Variants in ZNF705G observed in about 807,000 individuals in gnomAD.
ZNF705G encodes zinc finger protein 705G, also known as putative zinc finger protein 705G.
Under a neutral mutation model 19.6 loss-of-function variants are expected in ZNF705G, and 23 were observed. The observed-to-expected ratio is 1.17, with a 90% CI of 0.84 to 1.66. The LOEUF is 1.66. Ranked by LOEUF, ZNF705G falls within the 40% of genes most tolerant of loss-of-function variation. The pLI is 0.00. For synonymous variants in ZNF705G, 146 were observed against 117.7 expected, an observed-to-expected ratio of 1.24 and a Z score of -1.56; for missense variants, 457 against 354.4, an observed-to-expected ratio of 1.29 and a Z score of -2.32.
At position 7,359,655 on chromosome 8, in the gene ZNF705G, A is replaced by G. The variant is rs1241777303; in HGVS notation, c.282T>C (p.Pro94=). 1.9e-6 allele frequency: 3 copies of G among 1,606,772 alleles called. No individual in the cohort carries two copies. Among genetic ancestry groups the G allele is most frequent in the Non-Finnish European group, 1.7e-6 (2 of 1,179,314 alleles). ...TGGTGGATGCGTCTTTTCTGGTGAT[A>G]GGATGCATGGATATCATGTGTGTTT... is the stretch of plus-strand genomic sequence containing the variant. ...LKKTHMISMH[P]ITRKDASTSM... Residue 94 remains proline, a synonymous_variant, in exon 6 of 7, where the codon CCT becomes CCC. Coordinates refer to ENST00000400156, the MANE Select transcript of ZNF705G (RefSeq NM_001164457.3).
rs1165225946 is a variant in ZNF705G, at chr8:7,383,358, T to TTA, written c.-221-1759_-221-1758dup. ...CTTTCCCCTCCACATCTGTGTTGCT[T>TTA]TATATTGTTTCTACATCTCTCTTCT... On this transcript the variant is annotated intron_variant, in intron 1 of 6. Coordinates refer to ENST00000400156, the MANE Select transcript of ZNF705G (RefSeq NM_001164457.3). 2.0e-5 allele frequency among the ~76,000 whole-genome samples: 3 copies of TTA among 146,646 alleles called. No individual in the cohort carries two copies. In the East Asian group the frequency reaches 5.8e-4, roughly 28 times the overall value.
intron 2 of ZNF705G, among the ~76,000 whole-genome samples, chr8:7,364,839 T>A (rs1211260764): frequency 6.7e-6 from 1 of 149,602 alleles, no homozygotes; most frequent in Non-Finnish European, 1.5e-5. Flanking sequence ...ACAGTACATG[T>A]ATTATGTAGT....
intron 2 of ZNF705G, among the ~76,000 whole-genome samples, chr8:7,380,748 C>A (rs1807452799): frequency 6.8e-6 from 1 of 146,828 alleles, no homozygotes; most frequent in Middle Eastern, 3.4e-3. Context: ...GAGAAAGCCA[C>A]CTGACTCACG....
In ZNF705G at chr8:7,365,777, G is replaced by A. The variant is rs190115462; in HGVS notation, c.-71-2760C>T. On this transcript the variant is annotated intron_variant, in intron 2 of 6. Coordinates refer to ENST00000400156, the MANE Select transcript of ZNF705G (RefSeq NM_001164457.3). ...TAAGAGGCCGACTTGTGACTTCCTAGCCCTTTCACGGCTATTTAGACACAA... is the reference window on the plus strand; with the variant it reads ...TAAGAGGCCGACTTGTGACTTCCTAACCCTTTCACGGCTATTTAGACACAA... 1.1e-3 allele frequency among the ~76,000 whole-genome samples: 158 copies of A among 149,610 alleles called. No homozygotes were observed. The East Asian group carries it at 0.022, about 21-fold the overall frequency.
rs377737632 is a variant in ZNF705G, at chr8:7,358,225, G to A, written c.654C>T (p.His218=). 6.6e-4 allele frequency: 1,057 copies of A among 1,607,276 alleles called. 17 individuals are homozygous for A. The highest frequency in any genetic ancestry group is 5.2e-3 in the South Asian group (468 of 90,658). ...AFTQCSHLRR[H]EKTHTGQRPY... ...GTCTCTGTCCCGTGTGAGTTTTCTCGTGTCTTCTAAGGTGAGAACACTGAG... is the reference window on the plus strand; with the variant it reads ...GTCTCTGTCCCGTGTGAGTTTTCTCATGTCTTCTAAGGTGAGAACACTGAG... The change falls in exon 7 of 7, where the codon CAC becomes CAT. Residue 218 remains histidine (H), a synonymous_variant. Transcript: ENST00000400156.
intron 3 of ZNF705G, among the ~76,000 whole-genome samples, chr8:7,361,567 TA>T (rs1806597510): frequency 6.7e-6 from 1 of 149,768 alleles, no homozygotes; most frequent in South Asian, 2.1e-4. Context: ...AAATGAAATT[TA>T]CCATGAATTT....
chr8:7,374,890 C>A (rs1354909630), intron 2 of ZNF705G, among the ~76,000 whole-genome samples: 1 of 92,594 alleles, frequency 1.1e-5, no homozygotes, highest in Admixed American at 1.2e-4. Flanking sequence ...ATAGTGTCCA[C>A]AATATGCAAT....
In ZNF705G at chr8:7,382,934, G is replaced by A. The variant is rs1306596449; in HGVS notation, c.-221-1333C>T. 7.5e-5 allele frequency among the ~76,000 whole-genome samples: 11 copies of A among 147,276 alleles called. 2 individuals carry two copies. The highest frequency in any genetic ancestry group is 3.0e-4 in the African/African-American group (11 of 36,776). ...CCTAATAGGTAGTTTTGTATTCCTA[G>A]CCCTGCGGCCTTCTGAGTCTCTAAA... On this transcript the variant is annotated intron_variant, in intron 1 of 6. Coordinates refer to ENST00000400156, the MANE Select transcript of ZNF705G (RefSeq NM_001164457.3).
chr8:7,364,753 C>G (rs1281640559), intron 2 of ZNF705G, among the ~76,000 whole-genome samples: 2 of 149,402 alleles, frequency 1.3e-5, no homozygotes, highest in African/African-American at 2.6e-5. Flanking sequence ...ATTCCTTGGA[C>G]TATTTTCTAC....
intron 6 of ZNF705G, 147 bp downstream of exon 6, chr8:7,359,472 A>C: frequency 7.1e-7 from 1 of 1,401,992 alleles, no homozygotes; most frequent in Admixed American, 2.2e-5. Flanking sequence ...TGTATTCACT[A>C]AATTCAAAGT....
intron 2 of ZNF705G, among the ~76,000 whole-genome samples, chr8:7,378,778 C>T (rs1807353028): frequency 6.9e-6 from 1 of 145,694 alleles, no homozygotes; most frequent in African/African-American, 2.8e-5. Flanking sequence ...CTCATGATTA[C>T]ATTGGGCCCA....
intron 3 of ZNF705G, among the ~76,000 whole-genome samples, chr8:7,362,215 C>G (rs1191969330): frequency 1.3e-5 from 2 of 149,602 alleles, no homozygotes; most frequent in Non-Finnish European, 2.9e-5. Flanking sequence ...TCTGAGTGTG[C>G]AACCATAATT....
chr8:7,380,346 G>A (rs529557257), intron 2 of ZNF705G, among the ~76,000 whole-genome samples: 4 of 147,524 alleles, frequency 2.7e-5, no homozygotes, highest in African/African-American at 8.1e-5. Flanking sequence ...AACCCACACT[G>A]CTGTCTGTCA....
rs1806293326 is a variant in ZNF705G at position 7,356,849 on chromosome 8, G to C, written c.*1127C>G. Reference sequence around the variant, plus strand: ...AATATTTGTAAGTATTGATCTTTTGGAAAAGTTTAATGAGATTTCTTATAT... The same window carrying C: ...AATATTTGTAAGTATTGATCTTTTGCAAAAGTTTAATGAGATTTCTTATAT... On this transcript the variant is annotated 3_prime_UTR_variant, in exon 7 of 7. Coordinates refer to ENST00000400156, the MANE Select transcript of ZNF705G (RefSeq NM_001164457.3). 1 of 149,852 alleles carries C rather than the reference G, an allele frequency of 6.7e-6. No individual in the cohort carries two copies. The highest frequency in any genetic ancestry group is 2.5e-5 in the African/African-American group (1 of 39,234). The allele number at this position is 149,852 out of a possible 1,614,324, so 9.3% of individuals were successfully genotyped here.
chr8:7,361,634 G>A (rs3989696), intron 3 of ZNF705G, among the ~76,000 whole-genome samples: 2 of 149,610 alleles, frequency 1.3e-5, no homozygotes, highest in Non-Finnish European at 2.9e-5. Context: ...TACTTCTTAA[G>A]CATGACTCTG....
intron 2 of ZNF705G, among the ~76,000 whole-genome samples, chr8:7,366,462 A>G (rs1806862104): frequency 2.0e-5 from 3 of 149,702 alleles, no homozygotes. Flanking sequence ...TTTAGATACA[A>G]TAAAATAAAA....
Position 7,360,626 on chromosome 8 carries a change from G to A in ZNF705G, c.140-294C>T, listed in dbSNP as rs541681715. Among the ~76,000 whole-genome samples the A allele has an allele frequency of 2.0e-3, 301 of 149,492 alleles. 5 individuals are homozygous for A. The highest frequency in any genetic ancestry group is 3.6e-3 in the Non-Finnish European group (246 of 67,948). ...GCATAATACACAATCTTTTCAGAAA[G>A]AGAGTAATTATATCTCTGCACAGTG... On this transcript the variant is annotated intron_variant, in intron 4 of 6. Transcript: ENST00000400156.
intron 2 of ZNF705G, among the ~76,000 whole-genome samples, chr8:7,365,241 A>G (rs1241917758): frequency 2.7e-5 from 4 of 149,704 alleles, no homozygotes; most frequent in Non-Finnish European, 5.9e-5. Context: ...TTATGGGTCT[A>G]AAATTTTCAT....
chr8:7,358,809 A>G (rs1806422359), intron 6 of ZNF705G, among the ~76,000 whole-genome samples: 1 of 149,404 alleles, frequency 6.7e-6, no homozygotes, highest in Non-Finnish European at 1.5e-5. Flanking sequence ...TATGGCTACA[A>G]GATGAAAAGC....
Sources: gnomAD v4.1 joint callset for allele counts (sites outside exome capture counted in the v4.1 genomes callset) on GRCh38, gnomAD v4.1.1 for gene constraint, MANE v1.5 for transcripts, NCBI Gene and HGNC (gene_info 2026-07-23, HGNC 2026-07-21) for gene names.